Variants in N4BP2 observed in about 807,000 individuals in gnomAD.
N4BP2 encodes NEDD4-binding protein 2.
Under a neutral mutation model 152.8 loss-of-function variants are expected in N4BP2, and 91 were observed. The observed-to-expected ratio is 0.60, with a 90% confidence interval of 0.50 to 0.71. The LOEUF (loss-of-function observed/expected upper bound fraction) is 0.71. Among genes scored for constraint, N4BP2 ranks in the 30% least tolerant of loss-of-function variants. The pLI, the probability that N4BP2 is intolerant of heterozygous loss-of-function variation, is 0.00. For synonymous variants in N4BP2, 646 were observed against 705.3 expected (o/e 0.92, Z 1.33); for missense variants, 1,923 against 2,059.1 (o/e 0.93, Z 1.28).
At chr4:40,103,306 G>T in intron 4 of N4BP2, 88 bp downstream of exon 4, 2 of 1,189,722 alleles carry the variant, frequency 1.7e-6, no homozygotes, top group Non-Finnish European at 1.2e-6. Flanking sequence ...GCTTTGCTTA[G>T]TAGAGATCTT....
At position 40,115,944 on chromosome 4, in the gene N4BP2, C is replaced by T. The variant is rs1390260622; in HGVS notation, c.1665-1925C>T. Among the ~76,000 whole-genome samples the T allele has an allele frequency of 2.6e-5, 4 of 152,066 alleles. No individual in the cohort carries two copies. In the South Asian group the frequency reaches 8.3e-4, roughly 32 times the overall value. ...TTGTGGTTTCTCCTTATAATTCTGCCTATGTTTGCTTTACATATTTGGAGG... is the reference window on the plus strand; with the variant it reads ...TTGTGGTTTCTCCTTATAATTCTGCTTATGTTTGCTTTACATATTTGGAGG... On this transcript the variant is annotated intron_variant, in intron 7 of 17. Transcript: ENST00000261435.
At position 40,157,127 on chromosome 4, in the gene N4BP2, G is replaced by C. The variant is rs1445137897; in HGVS notation, c.*2890G>C. 1 of 152,064 alleles carries C rather than the reference G, an allele frequency of 6.6e-6. No individual in the cohort carries two copies. Among genetic ancestry groups the C allele is most frequent in the Non-Finnish European group, 1.5e-5 (1 of 67,966 alleles). The allele number at this position is 152,064 out of a possible 1,614,324, so 9.4% of individuals were successfully genotyped here. A position where few individuals can be genotyped will look rare whatever the true frequency, so the allele number is the denominator to read the frequency against. On this transcript the variant is annotated 3_prime_UTR_variant, in exon 18 of 18. Coordinates refer to ENST00000261435, the MANE Select transcript of N4BP2 (RefSeq NM_018177.6). ...ATGTGGAAACCCCAGAGGGTGTCCA[G>C]TTGGACCAGGGAGATATTAGACACT...
At chr4:40,161,177 C>A (rs1324419128), downstream of N4BP2, among the ~76,000 whole-genome samples, 1 of 152,170 alleles carries the variant, frequency 6.6e-6, no homozygotes, top group Non-Finnish European at 1.5e-5. Flanking sequence ...GAGGTCTTGG[C>A]CTGATAATGC....
rs373741257 is a variant in N4BP2, at chr4:40,112,197, T to A, written c.1587+25T>A. The A allele has an allele frequency of 7.8e-6, 10 of 1,274,342 alleles. No homozygotes were observed. In the African/African-American group the frequency reaches 1.5e-4, roughly 19 times the overall value. 78.9% of individuals were successfully genotyped at this position (1,274,342 alleles called of 1,614,324 possible). A position where few individuals can be genotyped will look rare whatever the true frequency, so the allele number is the denominator to read the frequency against. The stretch of plus-strand genomic sequence containing the variant: ...GGTTAGTACCATAAGTTGTCATAAG[T>A]TTATAACAGTTTGTATGCAATTATT... On this transcript the variant is annotated intron_variant, in intron 6 of 17. Transcript: ENST00000261435.
chr4:40,071,607 C>T (rs1704158), intron 1 of N4BP2, among the ~76,000 whole-genome samples: 23,563 of 152,132 alleles, frequency 0.15, 1,983 homozygotes, highest in Middle Eastern at 0.22. Context: ...GCTCTTGTTG[C>T]CCAGGCTGGA....
intron 14 of N4BP2, among the ~76,000 whole-genome samples, chr4:40,137,442 G>C (rs1452088064): frequency 6.6e-6 from 1 of 152,128 alleles, no homozygotes; most frequent in African/African-American, 2.4e-5. Flanking sequence ...TCCCAAAGTG[G>C]CTCTACCATT....
chr4:40,147,709 G>A (rs1720715365), intron 16 of N4BP2, among the ~76,000 whole-genome samples: 1 of 151,416 alleles, frequency 6.6e-6, no homozygotes, highest in Non-Finnish European at 1.5e-5. Flanking sequence ...CCCAGACGGG[G>A]CGGCTGGCCC....
At chr4:40,127,194 C>G (rs1015508681) in intron 12 of N4BP2, among the ~76,000 whole-genome samples, 19 of 151,778 alleles carry the variant, frequency 1.3e-4, no homozygotes, top group African/African-American at 4.4e-4. Flanking sequence ...TGACCGGCTG[C>G]ATCTTCTTCT....
At chr4:40,141,323 TGTCAGACGGGGCGG>T (rs1719927517) in intron 14 of N4BP2, among the ~76,000 whole-genome samples, 6 of 151,208 alleles carry the variant, frequency 4.0e-5, no homozygotes, top group Admixed American at 6.6e-5. Context: ...GCTCCTCACT[TGTCAGACGGGGCGG>T]CTTCCGGGCG....
chr4:40,114,935 C>T (rs1188864495), intron 7 of N4BP2, among the ~76,000 whole-genome samples: 3 of 152,084 alleles, frequency 2.0e-5, no homozygotes, highest in African/African-American at 7.2e-5. Flanking sequence ...AGTTAAGTTC[C>T]CTCCTGCAAT....
In N4BP2 at chr4:40,154,730, TA is replaced by T. The variant is rs1721456067; in HGVS notation, c.*496del. 6.5e-6 allele frequency: 1 copy of T among 153,500 alleles called. No homozygotes were observed. The highest frequency in any genetic ancestry group is 1.4e-5 in the Non-Finnish European group (1 of 69,064). The allele number at this position is 153,500 out of a possible 1,614,324, so 9.5% of individuals were successfully genotyped here. ...CTTGAATATTTTTTATTTTCAAAAC[TA>T]AACACATAAAATGCTTTTATTTTGC... On this transcript the variant is annotated 3_prime_UTR_variant, in exon 18 of 18. Transcript: ENST00000261435.
In N4BP2 at chr4:40,120,356, A is replaced by G. The variant is rs766582547; in HGVS notation, c.2245A>G (p.Lys749Glu). Residue 749 changes from lysine to glutamate, a missense_variant, in exon 9 of 18, where the codon AAA (lysine) becomes GAA (glutamate). Lys to Glu is a moderately conservative substitution (Grantham distance 56). Coordinates refer to ENST00000261435, the MANE Select transcript of N4BP2 (RefSeq NM_018177.6). Reference sequence around the variant, plus strand: ...AAATAGTGGACCACTTCAAAATGAAAAATCCTCACCTGGTGAAATAGTGGA... The same window carrying G: ...AAATAGTGGACCACTTCAAAATGAAGAATCCTCACCTGGTGAAATAGTGGA... ...LANSGPLQNE[K>E]SSPGEIVEER... 6.2e-7 allele frequency: 1 copy of G among 1,612,778 alleles called. No individual in the cohort carries two copies. Among genetic ancestry groups the G allele is most frequent in the South Asian group, 1.1e-5 (1 of 90,988 alleles).
At chr4:40,173,120 A>C in the N4BP2 span, among the ~76,000 whole-genome samples, 1 of 152,072 alleles carries the variant, frequency 6.6e-6, no homozygotes, top group Non-Finnish European at 1.5e-5. Flanking sequence ...TATCACCATC[A>C]GTAGAGGACA....
At position 40,157,301 on chromosome 4, in the gene N4BP2, A is replaced by G. The variant is rs1228926796; in HGVS notation, c.*3064A>G. ...GGTTAGTATTTCCATACTATTTGCA[A>G]CTTTATGGCCTTTAAATATAGGACA... is the stretch of plus-strand genomic sequence containing the variant. On this transcript the variant is annotated 3_prime_UTR_variant, in exon 18 of 18. Transcript: ENST00000261435. 1 of 151,990 alleles carries G rather than the reference A, an allele frequency of 6.6e-6. No homozygotes were observed. Among genetic ancestry groups the G allele is most frequent in the Non-Finnish European group, 1.5e-5 (1 of 67,960 alleles). 9.4% of individuals were successfully genotyped at this position (151,990 alleles called of 1,614,324 possible). A position where few individuals can be genotyped will look rare whatever the true frequency, so the allele number is the denominator to read the frequency against.
chr4:40,189,457 T>G, the N4BP2 span, among the ~76,000 whole-genome samples: 3 of 152,010 alleles, frequency 2.0e-5, no homozygotes, highest in Non-Finnish European at 4.4e-5. The surrounding 1 kb of genome is among the most constrained non-coding windows in gnomAD (Gnocchi z 4.3). Flanking sequence ...GGCCCCCGAG[T>G]AAAGCTGCGT....
At chr4:40,091,003 C>G (rs1269725633) in intron 2 of N4BP2, among the ~76,000 whole-genome samples, 3 of 64,940 alleles carry the variant, frequency 4.6e-5, no homozygotes, top group East Asian at 1.9e-3. Flanking sequence ...GTGTATTTCT[C>G]TGTTTTTTTT....
rs1347457628 is a variant in N4BP2 at position 40,142,409 on chromosome 4, C to G, written c.4786-264C>G. ...TCTTCCAACTCGGAGTTCAGTATCC[C>G]TAATTGTATTTTGATAATTTTAGAG... On this transcript the variant is annotated intron_variant, in intron 14 of 17. Transcript: ENST00000261435. The G allele has an allele frequency of 2.0e-5, 7 of 356,878 alleles. No individual in the cohort carries two copies. The Admixed American group carries it at 2.9e-4, about 15-fold the overall frequency. 22.1% of individuals were successfully genotyped at this position (356,878 alleles called of 1,614,324 possible). A position where few individuals can be genotyped will look rare whatever the true frequency, so the allele number is the denominator to read the frequency against.
chr4:40,093,415 A>AT (rs201362758), intron 2 of N4BP2, among the ~76,000 whole-genome samples: 77 of 149,584 alleles, frequency 5.1e-4, no homozygotes, highest in Admixed American at 1.0e-3. Flanking sequence ...ATGTTCTACA[A>AT]TTTTTTTTTG....
At chr4:40,081,586 T>C (rs1713370886) in intron 2 of N4BP2, among the ~76,000 whole-genome samples, 1 of 151,508 alleles carries the variant, frequency 6.6e-6, no homozygotes, top group Admixed American at 6.6e-5. Context: ...CTGGAGGTTG[T>C]AGTGAGCCAA....
Sources: gnomAD v4.1 joint callset for allele counts (sites outside exome capture counted in the v4.1 genomes callset) on GRCh38, gnomAD v4.1.1 for gene constraint, Gnocchi (gnomAD v3.1) non-coding constraint, MANE v1.5 for transcripts, NCBI Gene and HGNC (gene_info 2026-07-23, HGNC 2026-07-21) for gene names.